WNT2B: variants seen among roughly 807,000 people sequenced by gnomAD.
The protein encoded by WNT2B is Wnt family member 2B, also known as protein Wnt-2b.
In WNT2B, 19 loss-of-function variants were observed where a neutral mutation model predicts 40.5. That is an observed-to-expected ratio of 0.47 (90% CI 0.33 to 0.69). The LOEUF (loss-of-function observed/expected upper bound fraction) is 0.69. Ranked by LOEUF, WNT2B falls within the 30% of genes least tolerant of loss-of-function variation. The probability of loss-of-function intolerance (pLI) is 0.02; values close to 1 mark genes in which losing one functional copy is unlikely to be tolerated. For synonymous variants in WNT2B, 220 were observed against 211.9 expected (o/e 1.04, Z -0.33); for missense variants, 467 against 556.4 (o/e 0.84, Z 1.62).
chr1:112,476,691 G>A (rs976761892), intron 1 of WNT2B, among the ~76,000 whole-genome samples: 19 of 152,186 alleles, frequency 1.2e-4, no homozygotes, highest in Admixed American at 1.2e-3. Flanking sequence ...TGCCACCAAT[G>A]CAAACATTGA....
At chr1:112,500,880 C>T (rs955338724) in intron 1 of WNT2B, among the ~76,000 whole-genome samples, 3 of 152,198 alleles carry the variant, frequency 2.0e-5, no homozygotes. Context: ...TTACAAACAT[C>T]TTTCTTACAC....
At position 112,515,831 on chromosome 1, in the gene WNT2B, G is replaced by A. The variant is rs1652511056; in HGVS notation, c.404-309G>A. 6.6e-6 allele frequency among the ~76,000 whole-genome samples: 1 copy of A among 152,170 alleles called. No homozygotes were observed. Among genetic ancestry groups the A allele is most frequent in the Non-Finnish European group, 1.5e-5 (1 of 68,038 alleles). ...GCCAGTGCTGGCACTCAGTGGGAGG[G>A]GATGATTCACCAGGAGACTTTTCAA... On this transcript the variant is annotated intron_variant, in intron 2 of 4. Transcript: ENST00000369684. The surrounding 1 kb of genome is among the most constrained non-coding windows in gnomAD (Gnocchi z 4.4).
exon 1 of WNT2B, chr1:112,467,060 A>C (rs114127270): frequency 0.016 from 2,587 of 158,654 alleles, 83 homozygotes; most frequent in African/African-American, 0.059. Context: ...CCCCCAGTGG[A>C]GTCAGGAAAG....
chr1:112,491,765 C>T (rs1651612509), intron 1 of WNT2B, among the ~76,000 whole-genome samples: 1 of 152,100 alleles, frequency 6.6e-6, no homozygotes, highest in African/African-American at 2.4e-5. Flanking sequence ...GAGGCCCACA[C>T]CTGTGGTCCT....
intron 4 of WNT2B, among the ~76,000 whole-genome samples, chr1:112,518,845 A>G (rs1433577559): frequency 1.3e-5 from 2 of 152,228 alleles, no homozygotes; most frequent in Non-Finnish European, 2.9e-5. Flanking sequence ...CCTCCAAAGC[A>G]ATAGAGTCCA....
intron 1 of WNT2B, among the ~76,000 whole-genome samples, chr1:112,492,367 A>G (rs1651629162): frequency 1.3e-5 from 2 of 152,170 alleles, no homozygotes; most frequent in South Asian, 4.1e-4. Flanking sequence ...CAGAGCAGAA[A>G]CCCATGAGCA....
chr1:112,479,410 C>T (rs1228639604), intron 1 of WNT2B, among the ~76,000 whole-genome samples: 7 of 151,442 alleles, frequency 4.6e-5, no homozygotes, highest in Non-Finnish European at 1.0e-4. Flanking sequence ...CCCGTCTCTA[C>T]TAAAAATACA....
At chr1:112,516,900 G>A (rs1048919306) in intron 3 of WNT2B, among the ~76,000 whole-genome samples, 2 of 152,176 alleles carry the variant, frequency 1.3e-5, no homozygotes, top group Admixed American at 6.5e-5. Flanking sequence ...GTCATGAAAA[G>A]GAAAGCACTG....
chr1:112,475,165 C>T (rs1651017944), intron 1 of WNT2B, among the ~76,000 whole-genome samples: 1 of 152,106 alleles, frequency 6.6e-6, no homozygotes, highest in African/African-American at 2.4e-5. Flanking sequence ...ATCATCTCTC[C>T]TCTTGGTTCA....
At chr1:112,475,204 T>C (rs1557906567) in intron 1 of WNT2B, among the ~76,000 whole-genome samples, 1 of 152,078 alleles carries the variant, frequency 6.6e-6, no homozygotes, top group Non-Finnish European at 1.5e-5. Context: ...ATAAAATCAT[T>C]AGCAATTAAA....
At chr1:112,488,227 G>T (rs1651480584) in intron 1 of WNT2B, among the ~76,000 whole-genome samples, 1 of 151,948 alleles carries the variant, frequency 6.6e-6, no homozygotes, top group Non-Finnish European at 1.5e-5. Flanking sequence ...GAACTAGGGA[G>T]GTAGAGTTTG....
rs1003281577 is a variant in WNT2B, at chr1:112,509,285, A to G, written c.23A>G (p.Glu8Gly). MLRPGGA[E>G]EAAQLPLRRA... is the part of the protein sequence containing the mutation. ...GCTATGCTGAGACCGGGTGGTGCGG[A>G]GGAAGCTGCGCAGCTCCCGCTTCGG... Residue 8 changes from glutamate to glycine, a missense_variant, in exon 1 of 5, where the codon GAG becomes GGG. By Grantham distance (98) the Glu-to-Gly change is moderately conservative (BLOSUM62 -2). This residue lies in a region of WNT2B where 137 missense variants were observed against 117.7 expected (regional missense o/e 1.16). Coordinates refer to ENST00000369684, the MANE Select transcript of WNT2B (RefSeq NM_024494.3). The surrounding 1 kb of genome is among the most constrained non-coding windows in gnomAD (Gnocchi z 4.2). 39 of 1,540,780 alleles carry G rather than the reference A, an allele frequency of 2.5e-5. No homozygotes were observed. In the Middle Eastern group the frequency reaches 6.9e-4, roughly 27 times the overall value.
In WNT2B at chr1:112,481,779, G is replaced by A. The variant is rs569372147; in HGVS notation, c.-95+14188G>A. Among the ~76,000 whole-genome samples, 44 of 152,280 alleles carry A rather than the reference G, an allele frequency of 2.9e-4. No individual in the cohort carries two copies. The South Asian group carries it at 8.7e-3, about 30-fold the overall frequency. ...TAAGCCTAGCACTTTGGGAGGCCAG[G>A]TCAAGAGAATTGCTTGAGTCCAGGA... On this transcript the variant is annotated intron_variant, in intron 1 of 4. Transcript: ENST00000256640.
At chr1:112,480,760 CCAGA>C (rs1651199971) in intron 1 of WNT2B, among the ~76,000 whole-genome samples, 1 of 152,104 alleles carries the variant, frequency 6.6e-6, no homozygotes, top group Non-Finnish European at 1.5e-5. Context: ...GATACCAAAA[CCAGA>C]CAAAGATACT....
chr1:112,499,972 G>A (rs1190031576), intron 1 of WNT2B, among the ~76,000 whole-genome samples: 2 of 152,194 alleles, frequency 1.3e-5, no homozygotes, highest in African/African-American at 2.4e-5. Flanking sequence ...GCAGAGGCAC[G>A]ATGGTCATGT....
Position 112,527,661 on chromosome 1 carries a change from C to T in WNT2B, c.*7152C>T, listed in dbSNP as rs946784291. ...GAAGGAAAAAGCTAACTTGGCTTTC[C>T]GTGGAAATTTACCTACTCCCATTTT... On this transcript the variant is annotated 3_prime_UTR_variant, in exon 5 of 5. Coordinates refer to ENST00000369684, the MANE Select transcript of WNT2B (RefSeq NM_024494.3). 2 of 152,596 alleles carry T rather than the reference C, an allele frequency of 1.3e-5. No individual in the cohort carries two copies. Among genetic ancestry groups the T allele is most frequent in the East Asian group, 1.9e-4 (1 of 5,194 alleles). The allele number at this position is 152,596 out of a possible 1,614,324, so 9.5% of individuals were successfully genotyped here.
upstream of WNT2B, among the ~76,000 whole-genome samples, chr1:112,508,134 T>C (rs1250311936): frequency 6.6e-6 from 1 of 152,014 alleles, no homozygotes; most frequent in Non-Finnish European, 1.5e-5. This position sits in a 1 kb window ranked among gnomAD's most constrained non-coding sequence, Gnocchi z 4.2. Flanking sequence ...ACCCCCACCC[T>C]GGCCTCTGGT....
At chr1:112,502,391 A>G (rs542951796) in intron 1 of WNT2B, among the ~76,000 whole-genome samples, 1 of 152,366 alleles carries the variant, frequency 6.6e-6, no homozygotes, top group Admixed American at 6.5e-5. Context: ...TTCCTCTGCA[A>G]GACAGAGACA....
At chr1:112,519,263 A>G in intron 4 of WNT2B, among the ~76,000 whole-genome samples, 2 of 152,336 alleles carry the variant, frequency 1.3e-5, no homozygotes. Context: ...CACTATATGA[A>G]TATGTATATT....
Sources: allele counts gnomAD v4.1 joint callset (sites outside exome capture counted in the v4.1 genomes callset), GRCh38; gene constraint gnomAD v4.1.1; regional missense constraint gnomAD v4.1.1; non-coding constraint Gnocchi (gnomAD v3.1); transcripts MANE v1.5; gene names NCBI Gene and HGNC (gene_info 2026-07-23, HGNC 2026-07-21).